MRPL14: variants seen among roughly 807,000 people sequenced by gnomAD.
MRPL14 encodes the protein large ribosomal subunit protein uL14m.
MRPL14 carries 8 observed loss-of-function variants against 10.9 expected under a neutral mutation model. The ratio of observed to expected loss-of-function variants is 0.74; its 90% CI spans 0.43 to 1.33. The LOEUF (loss-of-function observed/expected upper bound fraction) is 1.33. MRPL14 is among the 40% of genes most tolerant of loss of function. The pLI, the probability that MRPL14 is intolerant of heterozygous loss-of-function variation, is 0.01. For missense variants in MRPL14, 179 were observed against 194.5 expected (o/e 0.92, Z 0.47); for synonymous variants, 82 against 74.1 (o/e 1.11, Z -0.54).
At position 44,113,945 on chromosome 6, in the gene MRPL14, C is replaced by T. The variant is rs1180031102; in HGVS notation, c.336G>A (p.Gly112=). ...SNNVVLIEDN[G]NPVGTRIKTP... ...TCTTAATTCGTGTCCCCACAGGGTT[C>T]CCGTTGTCCTCAATGAGGACCACGT... Residue 112 remains glycine, a synonymous_variant, in exon 3 of 3, where the codon GGG becomes GGA. Coordinates refer to ENST00000372014, the MANE Select transcript of MRPL14 (RefSeq NM_032111.4). The T allele has an allele frequency of 1.2e-6, 2 of 1,613,588 alleles. No homozygotes were observed. The highest frequency in any genetic ancestry group is 3.3e-5 in the Admixed American group (2 of 60,010).
intron 1 of MRPL14, among the ~76,000 whole-genome samples, chr6:44,117,239 GA>G (rs1775940652): frequency 6.6e-6 from 1 of 151,886 alleles, no homozygotes; most frequent in African/African-American, 2.4e-5. Flanking sequence ...CTGTAACATG[GA>G]AAACTGACCT....
rs561571221 is a variant in MRPL14 at position 44,116,725 on chromosome 6, GC to G, written c.-18-97del. 4.3e-4 allele frequency: 329 copies of G among 771,258 alleles called. 2 individuals carry two copies. The highest frequency in any genetic ancestry group is 4.2e-3 in the South Asian group (294 of 69,364). The allele number at this position is 771,258 out of a possible 1,614,324, so 47.8% of individuals were successfully genotyped here. A position where few individuals can be genotyped will look rare whatever the true frequency, so the allele number is the denominator to read the frequency against. On this transcript the variant is annotated intron_variant, in intron 1 of 2. Coordinates refer to ENST00000372014, the MANE Select transcript of MRPL14 (RefSeq NM_032111.4). Reference sequence around the variant, plus strand: ...ACTTGTGTGGGAGATGGCACTTCCAGCACAAGATCATTAGTCACAAAATATA... The same window carrying G: ...ACTTGTGTGGGAGATGGCACTTCCAGACAAGATCATTAGTCACAAAATATA...
chr6:44,114,276 G>C lies in MRPL14; in HGVS notation c.72-67C>G, dbSNP rs1345119852. ...ATGGTCAGGGTGCACAGGCCTCTGA[G>C]AGGTCAAGGCTAGGGAGAATGTACA... On this transcript the variant is annotated intron_variant, in intron 2 of 2. Transcript: ENST00000372014. 4 of 1,529,814 alleles carry C rather than the reference G, an allele frequency of 2.6e-6. No individual in the cohort carries two copies. In the African/African-American group the frequency reaches 4.1e-5, roughly 16 times the overall value. The allele number at this position is 1,529,814 out of a possible 1,614,324, so 94.8% of individuals were successfully genotyped here. A position where few individuals can be genotyped will look rare whatever the true frequency, so the allele number is the denominator to read the frequency against.
intron 1 of MRPL14, among the ~76,000 whole-genome samples, chr6:44,116,922 G>C (rs1206154051): frequency 1.3e-5 from 2 of 152,180 alleles, no homozygotes; most frequent in Non-Finnish European, 2.9e-5. Flanking sequence ...ACTTCCACAG[G>C]CAGGAGGAAA....
At chr6:44,120,574 T>C (rs1776297225) in intron 1 of MRPL14, among the ~76,000 whole-genome samples, 1 of 152,206 alleles carries the variant, frequency 6.6e-6, no homozygotes, top group South Asian at 2.1e-4. Context: ...AGACATCAAA[T>C]GGCCAGCAGT....
chr6:44,125,944 A>C (rs1209527719), intron 1 of MRPL14, among the ~76,000 whole-genome samples: 1 of 152,066 alleles, frequency 6.6e-6, no homozygotes, highest in Non-Finnish European at 1.5e-5. Flanking sequence ...AAGCCAACCA[A>C]CTTCTTACCT....
Position 44,114,203 on chromosome 6 carries a change from A to G in MRPL14, c.78T>C (p.Thr26=), listed in dbSNP as rs1204251612. The change falls in exon 3 of 3, where the codon ACT becomes ACC. Residue 26 remains threonine (T), a synonymous_variant. Transcript: ENST00000372014. The part of the protein sequence containing the change: ...RVLSHHCFST[T]GSLSAIQKMT... Reference sequence around the variant, plus strand: ...TCTTCTGAATCGCACTCAGACTCCCAGTGGTGCTGGTGGGAGGAAAAAAAA... The same window carrying G: ...TCTTCTGAATCGCACTCAGACTCCCGGTGGTGCTGGTGGGAGGAAAAAAAA... 1 of 1,606,500 alleles carries G rather than the reference A, an allele frequency of 6.2e-7. No homozygotes were observed. The highest frequency in any genetic ancestry group is 8.5e-7 in the Non-Finnish European group (1 of 1,174,278).
intron 2 of MRPL14, 81 bp from the exon 3 acceptor site, chr6:44,114,290 G>C (rs1314947707): frequency 1.3e-6 from 2 of 1,485,352 alleles, no homozygotes; most frequent in Admixed American, 2.1e-5. Flanking sequence ...TCAAGGCTAG[G>C]GAGAATGTAC....
chr6:44,113,756 C>T lies in MRPL14; in HGVS notation c.*87G>A, dbSNP rs1775560506. The T allele has an allele frequency of 1.4e-5, 20 of 1,401,708 alleles. No individual in the cohort carries two copies. The highest frequency in any genetic ancestry group is 2.3e-5 in the Admixed American group (1 of 43,556). 86.8% of individuals were successfully genotyped at this position (1,401,708 alleles called of 1,614,324 possible). A position where few individuals can be genotyped will look rare whatever the true frequency, so the allele number is the denominator to read the frequency against. ...TGTTACCCAGTGTGAAGGGAGCAGC[C>T]ATGTGGCTCCCAAGCTCCCTTAGCA... On this transcript the variant is annotated 3_prime_UTR_variant, in exon 3 of 3. Coordinates refer to ENST00000372014, the MANE Select transcript of MRPL14 (RefSeq NM_032111.4).
Position 44,113,997 on chromosome 6 carries a change from C to T in MRPL14, c.284G>A (p.Arg95Gln), listed in dbSNP as rs1775588009. The change falls in exon 3 of 3, where the codon CGA (arginine) becomes CAA (glutamine). Residue 95 changes from arginine (R) to glutamine (Q), a missense_variant. Coordinates refer to ENST00000372014, the MANE Select transcript of MRPL14 (RefSeq NM_032111.4). ...LIVGHCMPGP[R>Q]MTPRFDSNNV... Reference sequence around the variant, plus strand: ...GTTGGAGTCGAATCTGGGGGTCATTCGGGGGCCAGGCATGCAGTGCCCCAC... The same window carrying T: ...GTTGGAGTCGAATCTGGGGGTCATTTGGGGGCCAGGCATGCAGTGCCCCAC... 6.8e-6 allele frequency: 11 copies of T among 1,614,116 alleles called. No individual in the cohort carries two copies. Among genetic ancestry groups the T allele is most frequent in the East Asian group, 2.2e-5 (1 of 44,874 alleles).
chr6:44,114,331 G>T, intron 2 of MRPL14, 122 bp from the exon 3 acceptor site: 1 of 1,186,098 alleles, frequency 8.4e-7, no homozygotes, highest in Non-Finnish European at 1.2e-6. Context: ...GCAGAGTGCT[G>T]TCCAGGAGCA....
At chr6:44,114,339 G>A (rs1357086735) in intron 2 of MRPL14, 130 bp from the exon 3 acceptor site, 2 of 1,107,496 alleles carry the variant, frequency 1.8e-6, no homozygotes, top group African/African-American at 1.6e-5. Flanking sequence ...CTGTCCAGGA[G>A]CAGCAACAGA....
rs80180354 is a variant in MRPL14, at chr6:44,123,682, G to A, written c.-19+3662C>T. On this transcript the variant is annotated intron_variant, in intron 1 of 2. Transcript: ENST00000372014. Reference sequence around the variant, plus strand: ...TGTCTAGGGTTCTTGTCCTATATTTGTTTATATAACTTATGCCCCACCTTG... The same window carrying A: ...TGTCTAGGGTTCTTGTCCTATATTTATTTATATAACTTATGCCCCACCTTG... 3.7e-3 allele frequency among the ~76,000 whole-genome samples: 571 copies of A among 152,276 alleles called. 5 individuals carry two copies. Among genetic ancestry groups the A allele is most frequent in the African/African-American group, 0.013 (547 of 41,546 alleles).
At chr6:44,114,319 G>C (rs542811902) in intron 2 of MRPL14, 110 bp from the exon 3 acceptor site, 114 of 1,303,276 alleles carry the variant, frequency 8.7e-5, no homozygotes, top group Non-Finnish European at 1.2e-4. Flanking sequence ...AACACACACA[G>C]AGCAGAGTGC....
intron 2 of MRPL14, among the ~76,000 whole-genome samples, chr6:44,116,313 C>T (rs1223403700): frequency 2.6e-5 from 4 of 152,166 alleles, no homozygotes; most frequent in South Asian, 2.1e-4. Context: ...TAAAAGCTTC[C>T]GCCATATGCC....
intron 1 of MRPL14, among the ~76,000 whole-genome samples, chr6:44,125,892 ATCT>A (rs1776966976): frequency 6.6e-6 from 1 of 152,154 alleles, no homozygotes; most frequent in Admixed American, 6.5e-5. Context: ...CTTCATCTCC[ATCT>A]TCCTTTCTTT....
chr6:44,116,536 G>C lies in MRPL14; in HGVS notation c.71+5C>G. On this transcript the variant is annotated splice_donor_5th_base_variant and intron_variant, in intron 2 of 2. Coordinates refer to ENST00000372014, the MANE Select transcript of MRPL14 (RefSeq NM_032111.4). ...CAGTTTTAAGAACTTAATGGGAAAA[G>C]TTACCTGAAACAGTGATGGCTCAGC... The C allele has an allele frequency of 6.2e-7, 1 of 1,614,010 alleles. No individual in the cohort carries two copies. Among genetic ancestry groups the C allele is most frequent in the Non-Finnish European group, 8.5e-7 (1 of 1,179,884 alleles).
intron 1 of MRPL14, among the ~76,000 whole-genome samples, chr6:44,118,209 C>A (rs1776054460): frequency 6.6e-6 from 1 of 152,130 alleles, no homozygotes; most frequent in South Asian, 2.1e-4. Context: ...TGAGATGACC[C>A]TGGACAAGTA....
chr6:44,116,440 C>A, intron 2 of MRPL14, 101 bp downstream of exon 2: 1 of 1,217,976 alleles, frequency 8.2e-7, no homozygotes, highest in Non-Finnish European at 1.2e-6. Context: ...CCCATGCCCA[C>A]CTCCCTGAGT....
Sources: gnomAD v4.1 joint callset for allele counts (sites outside exome capture counted in the v4.1 genomes callset) on GRCh38, gnomAD v4.1.1 for gene constraint, MANE v1.5 for transcripts, NCBI Gene and HGNC (gene_info 2026-07-23, HGNC 2026-07-21) for gene names.